The following NMNAT3 variants were observed in gnomAD, a reference collection of about 807,000 sequenced individuals.
NMNAT3 encodes nicotinamide/nicotinic acid mononucleotide adenylyltransferase 3.
A neutral mutation model predicts 24.8 loss-of-function variants in NMNAT3; 21 were observed. The observed-to-expected ratio is 0.85, with a 90% CI of 0.60 to 1.22. NMNAT3 has a LOEUF of 1.22. NMNAT3 is among the 50% of genes most tolerant of loss of function. NMNAT3 has a pLI of 0.00. For missense variants in NMNAT3, 387 were observed against 436.6 expected (o/e 0.89, Z 1.01); for synonymous variants, 136 against 155.2 (o/e 0.88, Z 0.92).
intron 3 of NMNAT3, among the ~76,000 whole-genome samples, chr3:139,617,273 C>T (rs1269812776): frequency 2.0e-5 from 3 of 152,196 alleles, no homozygotes; most frequent in African/African-American, 7.2e-5. Context: ...GCTACTTCTG[C>T]TCCCATGTAT....
intron 2 of NMNAT3, chr3:139,634,324 T>C (rs1156843390): frequency 6.6e-6 from 1 of 152,228 alleles, no homozygotes; most frequent in South Asian, 2.1e-4. Context: ...CTGTTTATTA[T>C]AGACATAAAG....
At chr3:139,617,611 G>A (rs1225982270) in intron 3 of NMNAT3, among the ~76,000 whole-genome samples, 2 of 152,186 alleles carry the variant, frequency 1.3e-5, no homozygotes, top group East Asian at 1.9e-4. Flanking sequence ...ATAAACAAGT[G>A]CTAAATAGTT....
intron 1 of NMNAT3, among the ~76,000 whole-genome samples, chr3:139,661,909 T>A (rs1417240227): frequency 1.3e-5 from 2 of 152,152 alleles, no homozygotes; most frequent in African/African-American, 4.8e-5. Flanking sequence ...AATTAACAGT[T>A]AACAAAAATT....
At chr3:139,650,179 C>G (rs180840745) in intron 1 of NMNAT3, among the ~76,000 whole-genome samples, 2 of 152,272 alleles carry the variant, frequency 1.3e-5, no homozygotes, top group Admixed American at 6.5e-5. Flanking sequence ...GAACCAATCC[C>G]TCTCTCTTCT....
At chr3:139,669,300 C>T (rs991867944) in intron 1 of NMNAT3, among the ~76,000 whole-genome samples, 1 of 151,642 alleles carries the variant, frequency 6.6e-6, no homozygotes, top group Non-Finnish European at 1.5e-5. Flanking sequence ...TGGTGAAACC[C>T]CATCTCTACA....
intron 1 of NMNAT3, among the ~76,000 whole-genome samples, chr3:139,674,800 T>C (rs560381560): frequency 6.6e-6 from 1 of 152,148 alleles, no homozygotes; most frequent in South Asian, 2.1e-4. Context: ...GTGGAGATCA[T>C]TGGGAAGATT....
intron 1 of NMNAT3, among the ~76,000 whole-genome samples, chr3:139,675,137 C>CACACACACACACAA (rs764719924): frequency 1.7e-3 from 240 of 143,520 alleles, no homozygotes; most frequent in Admixed American, 2.8e-3. Flanking sequence ...TTTAAACATA[C>CACACACACACACAA]ACACACACAC....
intron 2 of NMNAT3, among the ~76,000 whole-genome samples, chr3:139,631,891 A>G (rs921305146): frequency 6.6e-6 from 1 of 152,014 alleles, no homozygotes; most frequent in African/African-American, 2.4e-5. Flanking sequence ...GAGAACTGTC[A>G]TTTTTTTAAT....
chr3:139,650,752 T>C (rs2057030174), intron 1 of NMNAT3, among the ~76,000 whole-genome samples: 1 of 152,194 alleles, frequency 6.6e-6, no homozygotes, highest in African/African-American at 2.4e-5. Context: ...GGAGATCCCT[T>C]CTGTGAAAGC....
intron 3 of NMNAT3, among the ~76,000 whole-genome samples, chr3:139,623,969 C>T (rs9653937): frequency 0.48 from 73,008 of 152,076 alleles, 18,712 homozygotes; most frequent in South Asian, 0.76. Context: ...CCTTGAGCCA[C>T]GATGCTATAA....
At chr3:139,633,170 G>A (rs981855271) in intron 2 of NMNAT3, among the ~76,000 whole-genome samples, 15 of 138,716 alleles carry the variant, frequency 1.1e-4, no homozygotes, top group Admixed American at 7.8e-5. Context: ...ATACATTTGT[G>A]TTTTTGTTTG....
chr3:139,587,884 A>G (rs957163272), intron 3 of NMNAT3, among the ~76,000 whole-genome samples: 1 of 152,120 alleles, frequency 6.6e-6, no homozygotes. Flanking sequence ...TTTCTGTTTT[A>G]TAGAAGAAAA....
At chr3:139,562,368 C>T (rs1380327990) in intron 6 of NMNAT3, among the ~76,000 whole-genome samples, 1 of 152,172 alleles carries the variant, frequency 6.6e-6, no homozygotes, top group Non-Finnish European at 1.5e-5. Context: ...CTGGCACTAT[C>T]CGTGTCCCTC....
intron 3 of NMNAT3, among the ~76,000 whole-genome samples, chr3:139,599,862 C>A (rs1038134685): frequency 2.0e-5 from 3 of 152,194 alleles, no homozygotes; most frequent in African/African-American, 7.2e-5. Context: ...ATTTCAAAGG[C>A]CTCTGTGTGA....
chr3:139,665,336 T>G (rs779862460), intron 1 of NMNAT3, among the ~76,000 whole-genome samples: 5 of 152,224 alleles, frequency 3.3e-5, no homozygotes, highest in Non-Finnish European at 7.3e-5. Flanking sequence ...GAGACACCTG[T>G]ACTCATTTGC....
At chr3:139,618,136 T>TA (rs1369541592) in intron 3 of NMNAT3, among the ~76,000 whole-genome samples, 1 of 152,148 alleles carries the variant, frequency 6.6e-6, no homozygotes, top group East Asian at 1.9e-4. Context: ...AATCCACAGA[T>TA]AACACACAAT....
chr3:139,606,867 G>C (rs969673682), intron 3 of NMNAT3, among the ~76,000 whole-genome samples: 1 of 152,058 alleles, frequency 6.6e-6, no homozygotes. Context: ...AATTATCCCA[G>C]ATTTGCCCAA....
chr3:139,561,575 G>A (rs1171452906), intron 6 of NMNAT3, among the ~76,000 whole-genome samples, 183 bp from the exon 7 acceptor site: 1 of 152,234 alleles, frequency 6.6e-6, no homozygotes, highest in East Asian at 1.9e-4. Flanking sequence ...GAATACAGTT[G>A]TAAGTAATGA....
chr3:139,632,248 T>C (rs553972425), intron 2 of NMNAT3, among the ~76,000 whole-genome samples: 2 of 152,260 alleles, frequency 1.3e-5, no homozygotes, highest in Admixed American at 6.5e-5. Context: ...CTTCCAGAGA[T>C]ATAAAGTGAA....
Sources: gnomAD v4.1 joint callset for allele counts (sites outside exome capture counted in the v4.1 genomes callset) on GRCh38, gnomAD v4.1.1 for gene constraint, MANE v1.5 for transcripts, NCBI Gene and HGNC (gene_info 2026-07-23, HGNC 2026-07-21) for gene names.